MAP2K1: variants seen among roughly 807,000 people sequenced by gnomAD.
The protein encoded by MAP2K1 is dual specificity mitogen-activated protein kinase kinase 1.
A neutral mutation model predicts 46.3 loss-of-function variants in MAP2K1; 16 were observed. The observed-to-expected ratio is 0.35, with a 90% CI of 0.23 to 0.52. The LOEUF is 0.52. Among genes scored for constraint, MAP2K1 ranks in the 20% least tolerant of loss-of-function variants. The pLI, the probability that MAP2K1 is intolerant of heterozygous loss-of-function variation, is 0.94. For missense variants in MAP2K1, 263 were observed against 497.1 expected, an observed-to-expected ratio of 0.53 and a Z score of 4.48; for synonymous variants, 183 against 185.6, an observed-to-expected ratio of 0.99 and a Z score of 0.11.
At chr15:66,453,254 C>G (rs932685185) in intron 5 of MAP2K1, among the ~76,000 whole-genome samples, 12 of 152,220 alleles carry the variant, frequency 7.9e-5, no homozygotes, top group African/African-American at 2.9e-4. Context: ...CTGCCCCCAC[C>G]TGCTTAGGGC....
At chr15:66,425,193 C>A (rs912286471) in intron 1 of MAP2K1, among the ~76,000 whole-genome samples, 4 of 152,170 alleles carry the variant, frequency 2.6e-5, no homozygotes, top group South Asian at 2.1e-4. Context: ...CCAGACTTTG[C>A]CTTGTATCTG....
chr15:66,452,287 TA>T (rs146502834), intron 5 of MAP2K1, among the ~76,000 whole-genome samples: 8 of 103,622 alleles, frequency 7.7e-5, no homozygotes, highest in African/African-American at 2.3e-4. Flanking sequence ...TAGAGTATAA[TA>T]AAAAAAAAAA....
chr15:66,397,335 T>C (rs1019336255), intron 1 of MAP2K1, among the ~76,000 whole-genome samples: 3 of 152,150 alleles, frequency 2.0e-5, no homozygotes, highest in Admixed American at 1.3e-4. Context: ...ACCTCGGTCA[T>C]ATCACTTAAC....
chr15:66,489,701 G>C lies in MAP2K1; in HGVS notation c.1023-17G>C, dbSNP rs759861076. 9.3e-6 allele frequency: 15 copies of C among 1,609,350 alleles called. No homozygotes were observed. In the Admixed American group the frequency reaches 1.3e-4, roughly 14 times the overall value. ...AGTGCCAGGCAACAGCTCTTACCTT[G>C]TCTTTCTTCCTTTAAGCTTAATAAA... On this transcript the variant is annotated splice_polypyrimidine_tract_variant and intron_variant, in intron 9 of 10. Coordinates refer to ENST00000307102, the MANE Select transcript of MAP2K1 (RefSeq NM_002755.4).
intron 1 of MAP2K1, among the ~76,000 whole-genome samples, chr15:66,392,288 G>GTTTTTTTTTTTT (rs2093358409): frequency 1.1e-5 from 1 of 89,134 alleles, no homozygotes; most frequent in African/African-American, 5.6e-5. Context: ...TTAAGAAAGG[G>GTTTTTTTTTTTT]TTTCGCTCCC....
At chr15:66,448,171 A>AAC (rs1362920903) in intron 5 of MAP2K1, among the ~76,000 whole-genome samples, 1 of 151,522 alleles carries the variant, frequency 6.6e-6, no homozygotes, top group Non-Finnish European at 1.5e-5. Flanking sequence ...AAAAAAAAAA[A>AAC]AACCCACTAT....
intron 1 of MAP2K1, among the ~76,000 whole-genome samples, chr15:66,393,110 A>G (rs931977040): frequency 1.3e-5 from 2 of 152,042 alleles, no homozygotes; most frequent in African/African-American, 4.8e-5. Flanking sequence ...TGTACTCAGA[A>G]GTGGAATTGC....
intron 9 of MAP2K1, 108 bp from the exon 10 acceptor site, chr15:66,489,610 A>G: frequency 1.1e-6 from 1 of 869,728 alleles, no homozygotes. Flanking sequence ...AATCAAGCCC[A>G]GGCAATCCTC....
At chr15:66,430,021 C>G (rs549903515) in intron 1 of MAP2K1, among the ~76,000 whole-genome samples, 1 of 152,236 alleles carries the variant, frequency 6.6e-6, no homozygotes, top group Admixed American at 6.5e-5. Context: ...TCTCCTCCTT[C>G]CCATATACTT....
At chr15:66,419,377 G>A (rs1201876064) in intron 1 of MAP2K1, among the ~76,000 whole-genome samples, 1 of 151,774 alleles carries the variant, frequency 6.6e-6, no homozygotes, top group Non-Finnish European at 1.5e-5. Context: ...AAAATTAGTC[G>A]GGCGTGGTGG....
intron 1 of MAP2K1, among the ~76,000 whole-genome samples, chr15:66,429,305 A>G (rs1013105632): frequency 6.6e-6 from 1 of 152,238 alleles, no homozygotes; most frequent in South Asian, 2.1e-4. Flanking sequence ...AGTAGGGGAA[A>G]TGCCAGACAC....
intron 1 of MAP2K1, among the ~76,000 whole-genome samples, chr15:66,389,218 T>A (rs909936820): frequency 2.6e-5 from 4 of 152,178 alleles, no homozygotes; most frequent in Non-Finnish European, 2.9e-5. Context: ...TTTGTTCAGT[T>A]TTAGTATACA....
intron 2 of MAP2K1, among the ~76,000 whole-genome samples, chr15:66,435,707 C>G (rs888839014): frequency 6.6e-6 from 1 of 152,178 alleles, no homozygotes; most frequent in Non-Finnish European, 1.5e-5. Context: ...GTGTATTAAT[C>G]CCCATCCCAT....
chr15:66,401,205 T>C (rs2093380898), intron 1 of MAP2K1, among the ~76,000 whole-genome samples: 1 of 152,200 alleles, frequency 6.6e-6, no homozygotes, highest in South Asian at 2.1e-4. Flanking sequence ...CTTGTAAATG[T>C]TTTTGAGTCC....
chr15:66,435,624 A>G (rs540066063), intron 2 of MAP2K1, among the ~76,000 whole-genome samples: 6 of 152,182 alleles, frequency 3.9e-5, no homozygotes, highest in Non-Finnish European at 5.9e-5. Flanking sequence ...CACTGTGCCC[A>G]GCCGTGCTGT....
In MAP2K1 at chr15:66,432,959, AGTGTGTGTGT is replaced by A. The variant is rs1164509967; in HGVS notation, c.81-2035_81-2026del. Among the ~76,000 whole-genome samples the A allele has an allele frequency of 3.4e-3, 452 of 131,996 alleles. 2 individuals are homozygous for A. The highest frequency in any genetic ancestry group is 3.1e-3 in the Non-Finnish European group (194 of 62,326). The allele number at this position is 131,996 out of a possible 152,430, so 86.6% of individuals were successfully genotyped here. On this transcript the variant is annotated intron_variant, in intron 1 of 10. Transcript: ENST00000307102. ...CTCCTTCCATTCCCCCATCATGCAC[AGTGTGTGTGT>A]GTGTGTGTGTGTGTGTGTGTGTGTG...
intron 1 of MAP2K1, among the ~76,000 whole-genome samples, chr15:66,407,534 G>A (rs2093400587): frequency 6.6e-6 from 1 of 152,158 alleles, no homozygotes; most frequent in Non-Finnish European, 1.5e-5. Flanking sequence ...TGATGGTAAT[G>A]GCTTCCTACC....
intron 5 of MAP2K1, among the ~76,000 whole-genome samples, chr15:66,448,489 G>T (rs1454570553): frequency 6.6e-6 from 1 of 152,174 alleles, no homozygotes; most frequent in African/African-American, 2.4e-5. Flanking sequence ...GTCCTAGTGG[G>T]ATTTGTCGGG....
chr15:66,408,212 C>T (rs1341620377), intron 1 of MAP2K1, among the ~76,000 whole-genome samples: 1 of 152,198 alleles, frequency 6.6e-6, no homozygotes, highest in Non-Finnish European at 1.5e-5. Context: ...TACTTTCTAT[C>T]AGGTGAGAAG....
Sources: gnomAD v4.1 joint callset for allele counts (sites outside exome capture counted in the v4.1 genomes callset) on GRCh38, gnomAD v4.1.1 for gene constraint, MANE v1.5 for transcripts, NCBI Gene and HGNC (gene_info 2026-07-23, HGNC 2026-07-21) for gene names.